The following SCAMP4 variants were observed in gnomAD, a reference collection of about 807,000 sequenced individuals.
SCAMP4 encodes secretory carrier membrane protein 4.
Under a neutral mutation model 32.1 loss-of-function variants are expected in SCAMP4, and 19 were observed. The ratio of observed to expected loss-of-function variants is 0.59; its 90% confidence interval spans 0.41 to 0.87. The LOEUF (loss-of-function observed/expected upper bound fraction) is 0.87. Among genes scored for constraint, SCAMP4 ranks in the 40% least tolerant of loss-of-function variants. SCAMP4 has a pLI of 0.00. For missense variants in SCAMP4, 302 were observed against 309.0 expected (o/e 0.98, Z 0.17); for synonymous variants, 152 against 132.7 (o/e 1.15, Z -1.00).
Position 1,908,427 on chromosome 19 carries a change from C to T in SCAMP4, c.-42+2988C>T, listed in dbSNP as rs1185052917. On this transcript the variant is annotated intron_variant, in intron 1 of 6. Transcript: ENST00000316097. The surrounding 1 kb of genome is among the most constrained non-coding windows in gnomAD (Gnocchi z 4.2). ...GAGGCGTGGACCAGGCAGTGCATGT[C>T]GAGGAGTAGCACCCACAGCTGCGCG... is the stretch of plus-strand genomic sequence containing the variant. 8.6e-6 allele frequency: 4 copies of T among 462,970 alleles called. No homozygotes were observed. The highest frequency in any genetic ancestry group is 4.7e-5 in the Admixed American group (2 of 42,120). The allele number at this position is 462,970 out of a possible 1,614,324, so 28.7% of individuals were successfully genotyped here.
At chr19:1,912,011 A>T in intron 1 of SCAMP4, 2 of 1,414,126 alleles carry the variant, frequency 1.4e-6, no homozygotes, top group East Asian at 2.7e-5. Flanking sequence ...CCCGGGACGG[A>T]CTCCCCGGCT....
At chr19:1,906,158 G>C (rs552507360) in intron 1 of SCAMP4, 3 of 152,160 alleles carry the variant, frequency 2.0e-5, no homozygotes. Flanking sequence ...TCCGGAGTTC[G>C]AGACCAGCCT....
intron 5 of SCAMP4, chr19:1,919,397 T>C: frequency 1.0e-5 from 10 of 985,342 alleles, no homozygotes; most frequent in Non-Finnish European, 1.1e-5. Context: ...TACCTGGTGC[T>C]GTTACCACAC....
chr19:1,912,336 A>C, intron 1 of SCAMP4: 2 of 1,536,388 alleles, frequency 1.3e-6, no homozygotes, highest in Non-Finnish European at 1.7e-6. Flanking sequence ...GGTGCGGCCC[A>C]GCCGCGATGC....
Position 1,924,355 on chromosome 19 carries a change from G to C in SCAMP4, c.*71G>C. 6.9e-7 allele frequency: 1 copy of C among 1,451,250 alleles called. No individual in the cohort carries two copies. The highest frequency in any genetic ancestry group is 1.4e-5 in the African/African-American group (1 of 71,302). The allele number at this position is 1,451,250 out of a possible 1,614,324, so 89.9% of individuals were successfully genotyped here. On this transcript the variant is annotated 3_prime_UTR_variant, in exon 7 of 7. Transcript: ENST00000316097. ...TTCCTGCTGCTACCCCTGGTCCCGA[G>C]GGCTGGGAGTACCTGGGGCCCCATC...
chr19:1,907,085 G>T (rs1053056382), intron 1 of SCAMP4: 2 of 151,338 alleles, frequency 1.3e-5, no homozygotes, highest in Admixed American at 1.3e-4. Flanking sequence ...TGCTTGGGAG[G>T]CTAAGGCAGG....
intron 1 of SCAMP4, among the ~76,000 whole-genome samples, chr19:1,910,042 C>T (rs1213507768): frequency 6.6e-6 from 1 of 152,206 alleles, no homozygotes; most frequent in Non-Finnish European, 1.5e-5. Flanking sequence ...CCGTGTCCCC[C>T]ACACTTGGCA....
rs779294683 is a variant in SCAMP4 at position 1,923,294 on chromosome 19, G to A, written c.513+107G>A. ...TCGAGGAGCCGGGCCCTCTCCCCAC[G>A]GTGTCACGCAGGCCGCACTTCATCC... is the stretch of plus-strand genomic sequence containing the variant. On this transcript the variant is annotated intron_variant, in intron 6 of 6. Coordinates refer to ENST00000316097, the MANE Select transcript of SCAMP4 (RefSeq NM_079834.4). 286 of 938,846 alleles carry A rather than the reference G, an allele frequency of 3.0e-4. 1 individual carries two copies. The highest frequency in any genetic ancestry group is 4.2e-4 in the Non-Finnish European group (267 of 640,178). The allele number at this position is 938,846 out of a possible 1,614,324, so 58.2% of individuals were successfully genotyped here. A position where few individuals can be genotyped will look rare whatever the true frequency, so the allele number is the denominator to read the frequency against.
chr19:1,919,342 C>T (rs532844722), intron 5 of SCAMP4: 44 of 1,152,616 alleles, frequency 3.8e-5, no homozygotes, highest in East Asian at 1.6e-4. Flanking sequence ...TGTTTCTGCA[C>T]GGATCGCTGC....
rs200400993 is a variant in SCAMP4 at position 1,918,976 on chromosome 19, C to T, written c.381C>T (p.Ser127=). 3.6e-4 allele frequency: 581 copies of T among 1,608,730 alleles called. No homozygotes were observed. Among genetic ancestry groups the T allele is most frequent in the Non-Finnish European group, 4.2e-4 (494 of 1,177,680 alleles). Residue 127 remains serine (S), a synonymous_variant, in exon 5 of 7, where the codon TCC becomes TCT. Transcript: ENST00000316097. ...VLTVIQAIGF[S]GWGACGWLSA... The stretch of plus-strand genomic sequence containing the variant: ...CCGTCATCCAGGCGATTGGCTTCTC[C>T]GGCTGGGGCGCGTGGTAAGCCTCTC...
rs753503255 is a variant in SCAMP4 at position 1,918,274 on chromosome 19, A to G, written c.284A>G (p.Lys95Arg). The change falls in exon 4 of 7, where the codon AAG becomes AGG. Residue 95 changes from lysine (K) to arginine (R), a missense_variant. Coordinates refer to ENST00000316097, the MANE Select transcript of SCAMP4 (RefSeq NM_079834.4). ...GTGTGCTGGTTCCGGCCTGTCTACA[A>G]GGCCTTCCGGTGAGCAGAGCTGCCG... ...GYVCWFRPVY[K>R]AFRADSSFNF... 3 of 1,602,430 alleles carry G rather than the reference A, an allele frequency of 1.9e-6. No homozygotes were observed. Among genetic ancestry groups the G allele is most frequent in the Non-Finnish European group, 2.5e-6 (3 of 1,177,768 alleles).
chr19:1,915,983 G>A (rs565071915), intron 2 of SCAMP4, among the ~76,000 whole-genome samples: 8 of 147,068 alleles, frequency 5.4e-5, no homozygotes, highest in South Asian at 2.1e-4. Flanking sequence ...GGTGGCTCAC[G>A]CCTGTAATCC....
intron 1 of SCAMP4, chr19:1,911,959 A>T (rs768824943): frequency 1.4e-5 from 19 of 1,399,482 alleles, no homozygotes; most frequent in Non-Finnish European, 1.8e-5. Flanking sequence ...GACTAGCCTC[A>T]GCTTTGGTGG....
Position 1,915,103 on chromosome 19 carries a change from GTCCTGGCCGTTGGCAAACAGTGTCC to G in SCAMP4, c.7+86_7+110del, listed in dbSNP as rs1320308775. On this transcript the variant is annotated intron_variant, in intron 2 of 6. Coordinates refer to ENST00000316097, the MANE Select transcript of SCAMP4 (RefSeq NM_079834.4). ...CCAGCAGTTCCCACAGGAGCCCTCGGTCCTGGCCGTTGGCAAACAGTGTCCTCCTGGCCCACCTGGCCTCTGACTC... is the reference window on the plus strand; with the variant it reads ...CCAGCAGTTCCCACAGGAGCCCTCGGTCCTGGCCCACCTGGCCTCTGACTC... The G allele has an allele frequency of 1.7e-5, 27 of 1,571,154 alleles. No individual in the cohort carries two copies. The African/African-American group carries it at 3.4e-4, about 20-fold the overall frequency.
chr19:1,924,018 C>T, intron 6 of SCAMP4, 90 bp from the exon 7 acceptor site: 1 of 954,018 alleles, frequency 1.0e-6, no homozygotes, highest in African/African-American at 1.4e-5. Context: ...CCTCGGCCTC[C>T]CGAAGTGCTG....
At chr19:1,922,922 G>C in intron 5 of SCAMP4, 148 bp from the exon 6 acceptor site, 1 of 1,355,512 alleles carries the variant, frequency 7.4e-7, no homozygotes. Context: ...ATCGCTTTAT[G>C]TTTGTTGGCC....
intron 6 of SCAMP4, 24 bp downstream of exon 6, chr19:1,923,211 C>A: frequency 6.6e-7 from 1 of 1,524,440 alleles, no homozygotes; most frequent in South Asian, 1.2e-5. Flanking sequence ...TTTGTGACGT[C>A]CAGCCCTTAC....
At chr19:1,920,951 A>G (rs1015415635) in intron 5 of SCAMP4, 2 of 985,214 alleles carry the variant, frequency 2.0e-6, no homozygotes, top group African/African-American at 3.5e-5. Context: ...AGCCTGGGTC[A>G]TCTCCCGCAG....
rs1380262939 is a variant in SCAMP4 at position 1,918,872 on chromosome 19, T to G, written c.294-17T>G. 3 of 1,591,244 alleles carry G rather than the reference T, an allele frequency of 1.9e-6. No homozygotes were observed. The African/African-American group carries it at 4.0e-5, about 21-fold the overall frequency. ...GCCAGGGCTGTGGTAACCGTCGTGT[T>G]TTCTGTCCCTCCCCAGAGCCGACAG... is the stretch of plus-strand genomic sequence containing the variant. On this transcript the variant is annotated splice_polypyrimidine_tract_variant and intron_variant, in intron 4 of 6. Transcript: ENST00000316097.
Sources: allele counts gnomAD v4.1 joint callset (sites outside exome capture counted in the v4.1 genomes callset), GRCh38; gene constraint gnomAD v4.1.1; non-coding constraint Gnocchi (gnomAD v3.1); transcripts MANE v1.5; gene names NCBI Gene and HGNC (gene_info 2026-07-23, HGNC 2026-07-21).